The following TBC1D24 variants were observed in gnomAD, a reference collection of about 807,000 sequenced individuals.
The protein encoded by TBC1D24 is Infantile myoclonic epilepsy.
Under a neutral mutation model 50.7 loss-of-function variants are expected in TBC1D24, and 47 were observed. That is an observed-to-expected ratio of 0.93 (90% confidence interval 0.73 to 1.18). The LOEUF (loss-of-function observed/expected upper bound fraction) is 1.18. Ranked by LOEUF, TBC1D24 falls within the 50% of genes most tolerant of loss-of-function variation. The pLI, the probability that TBC1D24 is intolerant of heterozygous loss-of-function variation, is 0.00. For missense variants in TBC1D24, 688 were observed against 766.5 expected, an observed-to-expected ratio of 0.90 and a Z score of 1.21; for synonymous variants, 324 against 335.2, an observed-to-expected ratio of 0.97 and a Z score of 0.36.
chr16:2,498,256 C>G lies in TBC1D24; in HGVS notation c.1002C>G (p.Ala334=), dbSNP rs184389316. 35 of 1,610,486 alleles carry G rather than the reference C, an allele frequency of 2.2e-5. No individual in the cohort carries two copies. The highest frequency in any genetic ancestry group is 3.0e-5 in the Non-Finnish European group (35 of 1,178,354). Residue 334 remains alanine, a synonymous_variant, in exon 4 of 8, where the codon GCC becomes GCG. Coordinates refer to ENST00000646147, the MANE Select transcript of TBC1D24 (RefSeq NM_001199107.2). The part of the protein sequence containing the change: ...SLSKRQFVHL[A]VHAENFRSEI... ...CCCTCAGGCAGTTTGTACACTTGGC[C>G]GTCCATGCAGAGAACTTCCGCTCGG...
At chr16:2,488,494 T>C (rs2065668684) in intron 1 of TBC1D24, among the ~76,000 whole-genome samples, 1 of 90,414 alleles carries the variant, frequency 1.1e-5, no homozygotes, top group Admixed American at 9.7e-5. Flanking sequence ...CGCACATAGC[T>C]TTTTTTTTTT....
chr16:2,486,345 A>T lies in TBC1D24; in HGVS notation c.-115-9689A>T, dbSNP rs2065650645. 6.6e-6 allele frequency among the ~76,000 whole-genome samples: 1 copy of T among 152,178 alleles called. No homozygotes were observed. Among genetic ancestry groups the T allele is most frequent in the African/African-American group, 2.4e-5 (1 of 41,432 alleles). ...TTCATTCCCGGTCCCACTCCCAGGA[A>T]ATGGTGAGGGATTGCTCAGACCAGA... On this transcript the variant is annotated intron_variant, in intron 1 of 7. Coordinates refer to ENST00000646147, the MANE Select transcript of TBC1D24 (RefSeq NM_001199107.2). The surrounding 1 kb of genome is among the most constrained non-coding windows in gnomAD (Gnocchi z 5.8).
At chr16:2,478,311 A>C (rs1442465635) in intron 1 of TBC1D24, 1 of 152,218 alleles carries the variant, frequency 6.6e-6, no homozygotes, top group African/African-American at 2.4e-5. Flanking sequence ...GTTTCAGAAG[A>C]AAAAAGAGAG....
rs2141859509 is a variant in TBC1D24 at position 2,486,617 on chromosome 16, C to T, written c.-115-9417C>T. Among the ~76,000 whole-genome samples, 1 of 152,326 alleles carries T rather than the reference C, an allele frequency of 6.6e-6. No homozygotes were observed. Among genetic ancestry groups the T allele is most frequent in the African/African-American group, 2.4e-5 (1 of 41,580 alleles). The stretch of plus-strand genomic sequence containing the variant: ...TACGTTGGGACAGGGCTGCCTCTTG[C>T]CCAGGGGGCTGCAGTTGGCCCCTTG... On this transcript the variant is annotated intron_variant, in intron 1 of 7. Coordinates refer to ENST00000646147, the MANE Select transcript of TBC1D24 (RefSeq NM_001199107.2). This position sits in a 1 kb window ranked among gnomAD's most constrained non-coding sequence, Gnocchi z 5.8.
chr16:2,493,421 G>C (rs1017489237), intron 1 of TBC1D24, among the ~76,000 whole-genome samples: 4 of 152,264 alleles, frequency 2.6e-5, no homozygotes, highest in African/African-American at 7.2e-5. Flanking sequence ...TTACAGGCGT[G>C]AGCCACCGCG....
At position 2,487,658 on chromosome 16, in the gene TBC1D24, T is replaced by C. The variant is rs2065661722; in HGVS notation, c.-115-8376T>C. 6.7e-6 allele frequency among the ~76,000 whole-genome samples: 1 copy of C among 150,322 alleles called. No individual in the cohort carries two copies. Among genetic ancestry groups the C allele is most frequent in the Admixed American group, 6.6e-5 (1 of 15,182 alleles). ...GGAGTTTGGTGTTGGAGTTTGGTGC[T>C]GGAGTTTGGTGCTGGAGTTTGGTGC... On this transcript the variant is annotated intron_variant, in intron 1 of 7. Coordinates refer to ENST00000646147, the MANE Select transcript of TBC1D24 (RefSeq NM_001199107.2). This position sits in a 1 kb window ranked among gnomAD's most constrained non-coding sequence, Gnocchi z 4.1.
At chr16:2,492,729 A>G (rs767411333) in intron 1 of TBC1D24, among the ~76,000 whole-genome samples, 28 of 152,152 alleles carry the variant, frequency 1.8e-4, no homozygotes, top group Non-Finnish European at 3.2e-4. Flanking sequence ...GACGAAGCAA[A>G]CCAATCAATG....
rs1227184797 is a variant in TBC1D24, at chr16:2,501,124, C to G, written c.*166C>G. 1 of 900,626 alleles carries G rather than the reference C, an allele frequency of 1.1e-6. No homozygotes were observed. Among genetic ancestry groups the G allele is most frequent in the East Asian group, 2.6e-5 (1 of 37,770 alleles). The allele number at this position is 900,626 out of a possible 1,614,324, so 55.8% of individuals were successfully genotyped here. ...TTGCCTGGACCTGCTGCTGCCTCTA[C>G]CTGGGGTTTGGGCTGGGCTTCCCCA... On this transcript the variant is annotated 3_prime_UTR_variant, in exon 8 of 8. Transcript: ENST00000646147.
In TBC1D24 at chr16:2,482,376, G is replaced by A. The variant is rs1414480967; in HGVS notation, c.-116+7206G>A. On this transcript the variant is annotated intron_variant, in intron 1 of 7. Transcript: ENST00000646147. The surrounding 1 kb of genome is among the most constrained non-coding windows in gnomAD (Gnocchi z 5.2). ...GACAGGAGGCGTGGAGCTCTGTGAC[G>A]CCTTGGCCCTGCCCCAGAGGTCCCA... 6.6e-6 allele frequency among the ~76,000 whole-genome samples: 1 copy of A among 152,178 alleles called. No individual in the cohort carries two copies. The highest frequency in any genetic ancestry group is 2.4e-5 in the African/African-American group (1 of 41,430).
At position 2,485,993 on chromosome 16, in the gene TBC1D24, T is replaced by A. The variant is rs1046490448; in HGVS notation, c.-115-10041T>A. ...AGGCAACAAAGCTCTCATCCCTGGATCTTGCGGATCTCGCGCCCGGGCTGG... is the reference window on the plus strand; with the variant it reads ...AGGCAACAAAGCTCTCATCCCTGGAACTTGCGGATCTCGCGCCCGGGCTGG... On this transcript the variant is annotated intron_variant, in intron 1 of 7. Coordinates refer to ENST00000646147, the MANE Select transcript of TBC1D24 (RefSeq NM_001199107.2). The surrounding 1 kb of genome is among the most constrained non-coding windows in gnomAD (Gnocchi z 4.6). Among the ~76,000 whole-genome samples the A allele has an allele frequency of 1.3e-5, 2 of 152,158 alleles. No homozygotes were observed. Among genetic ancestry groups the A allele is most frequent in the Non-Finnish European group, 2.9e-5 (2 of 68,010 alleles).
intron 1 of TBC1D24, chr16:2,481,360 A>G (rs900911843): frequency 2.6e-5 from 4 of 152,248 alleles, no homozygotes; most frequent in African/African-American, 9.6e-5. Context: ...CCTGGGCAGC[A>G]TAGTGAGACT....
At position 2,499,433 on chromosome 16, in the gene TBC1D24, C is replaced by T. The variant is rs376162122; in HGVS notation, c.1206+13C>T. 3.8e-5 allele frequency: 62 copies of T among 1,612,278 alleles called. No individual in the cohort carries two copies. The highest frequency in any genetic ancestry group is 3.6e-4 in the South Asian group (33 of 90,824). ...CACGCAGAAGGAGGTGAGCAGGGGC[C>T]CTGGAGCCAGGGCTGGCTCTGATGG... On this transcript the variant is annotated intron_variant, in intron 5 of 7. Coordinates refer to ENST00000646147, the MANE Select transcript of TBC1D24 (RefSeq NM_001199107.2). This position sits in a 1 kb window ranked among gnomAD's most constrained non-coding sequence, Gnocchi z 4.0.
At chr16:2,484,532 C>T (rs1258891864) in intron 1 of TBC1D24, 5 of 152,314 alleles carry the variant, frequency 3.3e-5, no homozygotes, top group African/African-American at 1.2e-4. Context: ...CACATGTCTA[C>T]AAAGCCACTT....
At chr16:2,477,349 G>A in intron 1 of TBC1D24, 1 of 152,256 alleles carries the variant, frequency 6.6e-6, no homozygotes, top group Admixed American at 6.5e-5. Context: ...GAGGTGGAAG[G>A]ATCGCATGAG....
chr16:2,477,509 G>C (rs1189675716), intron 1 of TBC1D24: 1 of 152,278 alleles, frequency 6.6e-6, no homozygotes, highest in Non-Finnish European at 1.5e-5. Context: ...AGACTGCAGT[G>C]AGCTGTGATT....
At position 2,499,774 on chromosome 16, in the gene TBC1D24, T is replaced by G. The variant is rs1424944865; in HGVS notation, c.1207-61T>G. The G allele has an allele frequency of 6.9e-7, 1 of 1,444,794 alleles. No individual in the cohort carries two copies. The highest frequency in any genetic ancestry group is 1.7e-5 in the Admixed American group (1 of 59,762). 89.5% of individuals were successfully genotyped at this position (1,444,794 alleles called of 1,614,324 possible). ...ACCTGGGACAGGCCCGTCAGTAGTCTGGAGCACAGGGACGCTCCTGGGGGC... is the reference window on the plus strand; with the variant it reads ...ACCTGGGACAGGCCCGTCAGTAGTCGGGAGCACAGGGACGCTCCTGGGGGC... On this transcript the variant is annotated intron_variant, in intron 5 of 7. Coordinates refer to ENST00000646147, the MANE Select transcript of TBC1D24 (RefSeq NM_001199107.2). This position sits in a 1 kb window ranked among gnomAD's most constrained non-coding sequence, Gnocchi z 4.0.
intron 4 of TBC1D24, among the ~76,000 whole-genome samples, chr16:2,498,730 C>T (rs1286994432): frequency 6.6e-6 from 1 of 152,264 alleles, no homozygotes; most frequent in African/African-American, 2.4e-5. Flanking sequence ...CTGTCATCCA[C>T]ATGGTGCTCT....
intron 1 of TBC1D24, among the ~76,000 whole-genome samples, chr16:2,494,455 C>T (rs912641064): frequency 1.3e-5 from 2 of 151,394 alleles, no homozygotes; most frequent in East Asian, 3.9e-4. Flanking sequence ...CATCTCTTTG[C>T]TCAAAGTGAT....
At chr16:2,489,765 C>T (rs2065681244) in intron 1 of TBC1D24, among the ~76,000 whole-genome samples, 1 of 152,228 alleles carries the variant, frequency 6.6e-6, no homozygotes, top group Admixed American at 6.5e-5. Context: ...TTTCTAGCAC[C>T]TGGCCTGGGA....
Sources: gnomAD v4.1 joint callset for allele counts (sites outside exome capture counted in the v4.1 genomes callset) on GRCh38, gnomAD v4.1.1 for gene constraint, Gnocchi (gnomAD v3.1) non-coding constraint, MANE v1.5 for transcripts, NCBI Gene and HGNC (gene_info 2026-07-23, HGNC 2026-07-21) for gene names.